The following CFAP65 variants were observed in gnomAD, a reference collection of about 807,000 sequenced individuals.
The protein encoded by CFAP65 is cilia and flagella associated protein 65.
In CFAP65, 155 loss-of-function variants were observed where a neutral mutation model predicts 208.0. The observed-to-expected ratio is 0.75, with a 90% CI of 0.65 to 0.85. The LOEUF (loss-of-function observed/expected upper bound fraction) is 0.85. CFAP65 is among the 40% of genes least tolerant of loss of function. CFAP65 has a pLI of 0.00. For synonymous variants in CFAP65, 970 were observed against 986.3 expected (o/e 0.98, Z 0.31); for missense variants, 2,294 against 2,451.3 (o/e 0.94, Z 1.36).
rs201731724 is a variant in CFAP65 at position 219,038,951 on chromosome 2, A to T, written c.98T>A (p.Leu33His). The change falls in exon 3 of 35, where the codon CTC (leucine) becomes CAC (histidine). Residue 33 changes from leucine (L) to histidine (H), a missense_variant. By Grantham distance (99) the Leu-to-His change is moderately conservative. Transcript: ENST00000341552. ...CTTCTGAACACTCTTGCCTCTTAGG[A>T]GAAGAGGAATAAGGGGGAAAGAAGA... is the stretch of plus-strand genomic sequence containing the variant. The part of the protein sequence containing the change: ...FASSFPLIPL[L>H]LRGKSVQKKQ... The T allele has an allele frequency of 5.4e-4, 875 of 1,613,632 alleles. 2 individuals are homozygous for T. Among genetic ancestry groups the T allele is most frequent in the South Asian group, 1.4e-3 (126 of 91,012 alleles).
Position 219,036,849 on chromosome 2 carries a change from G to A in CFAP65, c.358-1185C>T, listed in dbSNP as rs531102419. On this transcript the variant is annotated intron_variant, in intron 4 of 34. Transcript: ENST00000341552. ...ATTTTTTGAGTACCTATCATGCACCGGACACTGTGCTAGGTGCTGGGACTA... is the reference window on the plus strand; with the variant it reads ...ATTTTTTGAGTACCTATCATGCACCAGACACTGTGCTAGGTGCTGGGACTA... Among the ~76,000 whole-genome samples the A allele has an allele frequency of 4.6e-4, 70 of 152,090 alleles. 2 individuals carry two copies. Among genetic ancestry groups the A allele is most frequent in the Admixed American group, 4.5e-3 (68 of 15,280 alleles).
rs765698560 is a variant in CFAP65, at chr2:219,009,404, C to T, written c.4509G>A (p.Val1503=). The T allele has an allele frequency of 1.2e-6, 2 of 1,612,602 alleles. No homozygotes were observed. The highest frequency in any genetic ancestry group is 8.5e-7 in the Non-Finnish European group (1 of 1,179,960). Residue 1503 remains valine (V), a synonymous_variant, in exon 28 of 35, where the codon GTG becomes GTA. Coordinates refer to ENST00000341552, the MANE Select transcript of CFAP65 (RefSeq NM_194302.4). ...VVAPEETVPF[V]VTLRASVHAS... ...CATGCACAGAGGCCCTCAAGGTCACCACAAATGGGACCGTCTCTTCAGGAG... is the reference window on the plus strand; with the variant it reads ...CATGCACAGAGGCCCTCAAGGTCACTACAAATGGGACCGTCTCTTCAGGAG...
intron 5 of CFAP65, chr2:219,035,101 A>G (rs1400058832): frequency 1.9e-5 from 3 of 159,688 alleles, no homozygotes; most frequent in Admixed American, 1.4e-4. Context: ...ACTACGCAGG[A>G]AAAAAAAAAA....
rs1393553351 is a variant in CFAP65 at position 219,038,379 on chromosome 2, G to T, written c.353C>A (p.Ala118Asp). Reference sequence around the variant, plus strand: ...CTGCCCTGGCTGTATCCTTACCTGGGCGCTGATGGTGCTGCAGGCACTCAT... The same window carrying T: ...CTGCCCTGGCTGTATCCTTACCTGGTCGCTGATGGTGCTGCAGGCACTCAT... Reference protein sequence around the residue: ...AAMSACSTISAQPASSMDTQM... With the variant: ...AAMSACSTISDQPASSMDTQM... The change falls in exon 4 of 35, where the codon GCC becomes GAC. Residue 118 changes from alanine (A) to aspartate (D), a missense_variant. Ala to Asp is a moderately radical substitution (Grantham distance 126, BLOSUM62 -2). This residue lies in a region of CFAP65 where 867 missense variants were observed against 1,012.6 expected (regional missense o/e 0.86). Transcript: ENST00000341552. The T allele has an allele frequency of 1.9e-6, 3 of 1,612,412 alleles. No individual in the cohort carries two copies. In the Admixed American group the frequency reaches 5.0e-5, roughly 27 times the overall value.
intron 29 of CFAP65, among the ~76,000 whole-genome samples, chr2:219,007,968 G>A (rs1574522458): frequency 6.6e-6 from 1 of 152,014 alleles, no homozygotes; most frequent in South Asian, 2.1e-4. Context: ...ACAGGAACCC[G>A]CCATCATGGC....
chr2:219,015,997 C>T (rs1036453515), intron 21 of CFAP65, among the ~76,000 whole-genome samples: 10 of 152,026 alleles, frequency 6.6e-5, no homozygotes, highest in Admixed American at 2.0e-4. Context: ...GAAAGAGAAC[C>T]GCTCTGTAAA....
intron 31 of CFAP65, among the ~76,000 whole-genome samples, 185 bp downstream of exon 31, chr2:219,005,836 G>A (rs1017509139): frequency 6.6e-6 from 1 of 152,178 alleles, no homozygotes; most frequent in African/African-American, 2.4e-5. Context: ...TGGCTGCTTT[G>A]TCCCCCTCCT....
chr2:219,014,129 G>GAA lies in CFAP65; in HGVS notation c.3603-86_3603-85insTT, dbSNP rs1028027429. On this transcript the variant is annotated intron_variant, in intron 21 of 34. Transcript: ENST00000341552. ...GCTCTGAGACCCTGATGGGCAGGTG[G>GAA]AGGCTTCTTCCATGACTCCCGCACT... is the stretch of plus-strand genomic sequence containing the variant. 20 of 1,270,130 alleles carry GAA rather than the reference G, an allele frequency of 1.6e-5. No homozygotes were observed. The Admixed American group carries it at 2.2e-4, about 14-fold the overall frequency. The allele number at this position is 1,270,130 out of a possible 1,614,324, so 78.7% of individuals were successfully genotyped here.
Position 219,029,585 on chromosome 2 carries a change from C to T in CFAP65, c.1468G>A (p.Glu490Lys), listed in dbSNP as rs759146605. 38 of 1,614,024 alleles carry T rather than the reference C, an allele frequency of 2.4e-5. No homozygotes were observed. In the Admixed American group the frequency reaches 6.2e-4, roughly 26 times the overall value. Residue 490 changes from glutamate to lysine, a missense_variant, in exon 11 of 35, where the codon GAG becomes AAG. Physicochemically the swap from Glu to Lys is moderately conservative, Grantham distance 56. Transcript: ENST00000341552. ...TGGGCCGTGCAGTCCGATTGGTTCT[C>T]AATCCACAGGGGCTGCTCGGAGCGC... The part of the protein sequence containing the change: ...GERSEQPLWI[E>K]NQSDCTAHFQ...
At chr2:219,010,778 T>G (rs759161869) in intron 25 of CFAP65, 27 bp downstream of exon 25, 3 of 1,591,448 alleles carry the variant, frequency 1.9e-6, no homozygotes, top group East Asian at 4.5e-5. Flanking sequence ...CCACCCCACC[T>G]CCCACGTCAT....
chr2:219,030,502 C>G (rs1947943111), intron 9 of CFAP65, among the ~76,000 whole-genome samples, 187 bp downstream of exon 9: 1 of 152,234 alleles, frequency 6.6e-6, no homozygotes, highest in African/African-American at 2.4e-5. Context: ...CTCTGGGGAG[C>G]CAGGGTATAC....
Position 219,026,701 on chromosome 2 carries a change from A to T in CFAP65, c.2212-542T>A, listed in dbSNP as rs935401856. 6.2e-6 allele frequency: 5 copies of T among 802,712 alleles called. No individual in the cohort carries two copies. The African/African-American group carries it at 9.3e-5, about 15-fold the overall frequency. 49.7% of individuals were successfully genotyped at this position (802,712 alleles called of 1,614,324 possible). On this transcript the variant is annotated intron_variant, in intron 13 of 34. Coordinates refer to ENST00000341552, the MANE Select transcript of CFAP65 (RefSeq NM_194302.4). ...GCATTTTACACTCACGGCACGTCTC[A>T]ATTGGGACCAGCCACATATTAAAAG... is the stretch of plus-strand genomic sequence containing the variant.
rs1258376983 is a variant in CFAP65 at position 219,003,433 on chromosome 2, C to A, written c.5556-161G>T. Among the ~76,000 whole-genome samples, 1 of 152,246 alleles carries A rather than the reference C, an allele frequency of 6.6e-6. No homozygotes were observed. Among genetic ancestry groups the A allele is most frequent in the Non-Finnish European group, 1.5e-5 (1 of 68,040 alleles). Reference sequence around the variant, plus strand: ...GGCATTCTTGTTTCAATGTTACGGACGTTCCAAGTGTGGCTAAAAGATTCC... The same window carrying A: ...GGCATTCTTGTTTCAATGTTACGGAAGTTCCAAGTGTGGCTAAAAGATTCC... On this transcript the variant is annotated intron_variant, in intron 33 of 34. Coordinates refer to ENST00000341552, the MANE Select transcript of CFAP65 (RefSeq NM_194302.4). The surrounding 1 kb of genome is among the most constrained non-coding windows in gnomAD (Gnocchi z 4.4).
At chr2:219,035,139 C>A in intron 5 of CFAP65, 1 of 502,394 alleles carries the variant, frequency 2.0e-6, no homozygotes. Context: ...TCCAAAATCA[C>A]GTGAGCCTTC....
intron 19 of CFAP65, among the ~76,000 whole-genome samples, chr2:219,020,692 T>A (rs1466151438): frequency 6.6e-6 from 1 of 152,124 alleles, no homozygotes; most frequent in African/African-American, 2.4e-5. Context: ...TTATCCCCAT[T>A]TGAGACATGT....
chr2:219,021,175 G>T lies in CFAP65; in HGVS notation c.3236C>A (p.Thr1079Asn). 1.9e-6 allele frequency: 3 copies of T among 1,587,998 alleles called. No homozygotes were observed. Among genetic ancestry groups the T allele is most frequent in the Non-Finnish European group, 2.6e-6 (3 of 1,166,724 alleles). ...KQRSQYSWTI[T>N]YSLLSHRDNK... ...ACCTCTGTGGGAAAGGAGAGAGTAGGTGATGGTCCAGGAGTACTGGGACCG... is the reference window on the plus strand; with the variant it reads ...ACCTCTGTGGGAAAGGAGAGAGTAGTTGATGGTCCAGGAGTACTGGGACCG... Residue 1079 changes from threonine (T) to asparagine (N), a missense_variant, in exon 19 of 35, where the codon ACC becomes AAC. Thr to Asn is a moderately conservative substitution (Grantham distance 65, BLOSUM62 0). Around this residue, in one of 2 missense-constraint regions of CFAP65, gnomAD observed 1,427 missense variants for 1,438.7 expected, o/e 0.99. Coordinates refer to ENST00000341552, the MANE Select transcript of CFAP65 (RefSeq NM_194302.4).
At chr2:219,019,836 G>A (rs1947161753) in intron 19 of CFAP65, 117 bp from the exon 20 acceptor site, 1 of 739,814 alleles carries the variant, frequency 1.4e-6, no homozygotes, top group Non-Finnish European at 2.3e-6. Flanking sequence ...CTCATCAGGA[G>A]CAGTGGACCC....
Position 219,031,740 on chromosome 2 carries a change from C to T in CFAP65, c.646-82G>A, listed in dbSNP as rs1948056710. On this transcript the variant is annotated intron_variant, in intron 6 of 34. Transcript: ENST00000341552. This position sits in a 1 kb window ranked among gnomAD's most constrained non-coding sequence, Gnocchi z 5.2. ...CATCCCGCCCACCCTCAGCCACCCC[C>T]AACACAACCGCTGAGGGGAGGGCCA... 1.3e-6 allele frequency: 2 copies of T among 1,510,940 alleles called. No homozygotes were observed. Among genetic ancestry groups the T allele is most frequent in the Non-Finnish European group, 1.8e-6 (2 of 1,121,120 alleles). 93.6% of individuals were successfully genotyped at this position (1,510,940 alleles called of 1,614,324 possible).
Position 219,009,122 on chromosome 2 carries a change from G to A in CFAP65, c.4599C>T (p.His1533=). The change falls in exon 29 of 35, where the codon CAC becomes CAT. Residue 1533 remains histidine (H), a synonymous_variant. Coordinates refer to ENST00000341552, the MANE Select transcript of CFAP65 (RefSeq NM_194302.4). ...CGTCCTTCCACTCCTGCAGCTCCTT[G>A]TGATACTGCCTCATGAGCTGCTGCG... ...LYSQQLMRQY[H]KELQEWKDEK... 1.2e-6 allele frequency: 2 copies of A among 1,612,866 alleles called. No homozygotes were observed. Among genetic ancestry groups the A allele is most frequent in the Non-Finnish European group, 1.7e-6 (2 of 1,179,922 alleles).
Sources: gnomAD v4.1 joint callset for allele counts (sites outside exome capture counted in the v4.1 genomes callset) on GRCh38, gnomAD v4.1.1 for gene constraint, gnomAD v4.1.1 regional missense constraint, Gnocchi (gnomAD v3.1) non-coding constraint, MANE v1.5 for transcripts, NCBI Gene and HGNC (gene_info 2026-07-23, HGNC 2026-07-21) for gene names.